The following SMAD2 variants were observed in gnomAD, a reference collection of about 807,000 sequenced individuals.
SMAD2 encodes SMAD family member 2, also known as MAD homolog 2.
A neutral mutation model predicts 64.4 loss-of-function variants in SMAD2; 8 were observed. The ratio of observed to expected loss-of-function variants is 0.12; its 90% confidence interval spans 0.07 to 0.22. The LOEUF (loss-of-function observed/expected upper bound fraction) is 0.22. Ranked by LOEUF, SMAD2 falls within the 10% of genes least tolerant of loss-of-function variation. The probability of loss-of-function intolerance (pLI) is 1.00; values close to 1 mark genes in which losing one functional copy is unlikely to be tolerated. For missense variants in SMAD2, 289 were observed against 561.2 expected (o/e 0.51, Z 4.90); for synonymous variants, 203 against 195.8 (o/e 1.04, Z -0.31).
chr18:47,894,363 A>C (rs930156067), intron 2 of SMAD2, among the ~76,000 whole-genome samples: 2 of 152,074 alleles, frequency 1.3e-5, no homozygotes, highest in African/African-American at 4.8e-5. Flanking sequence ...GAGCCTTCAG[A>C]CCCTACGGCA....
chr18:47,900,687 C>T (rs923279071), intron 1 of SMAD2, among the ~76,000 whole-genome samples: 3 of 151,766 alleles, frequency 2.0e-5, no homozygotes, highest in South Asian at 2.1e-4. Context: ...CCTTTTCTAC[C>T]TCCTTAAAAA....
intron 1 of SMAD2, among the ~76,000 whole-genome samples, chr18:47,928,231 T>C (rs551286736): frequency 1.2e-4 from 18 of 152,312 alleles, no homozygotes; most frequent in African/African-American, 3.8e-4. Context: ...AACGAGGTTT[T>C]TGGAGCCCTA....
intron 2 of SMAD2, 25 bp downstream of exon 2, chr18:47,896,496 A>C (rs2033444790): frequency 6.2e-7 from 1 of 1,612,792 alleles, no homozygotes; most frequent in Non-Finnish European, 8.5e-7. Flanking sequence ...TAATTTGATC[A>C]AACCTGGGAT....
chr18:47,832,297 G>A lies in SMAD2; in HGVS notation c.*9530C>T, dbSNP rs539427035. 168 of 152,322 alleles carry A rather than the reference G, an allele frequency of 1.1e-3. No individual in the cohort carries two copies. Among genetic ancestry groups the A allele is most frequent in the African/African-American group, 3.9e-3 (164 of 41,584 alleles). The allele number at this position is 152,322 out of a possible 1,614,324, so 9.4% of individuals were successfully genotyped here. ...GGCAAAGCCAGGCTGAGGTGACAAT[G>A]TAGAAGGATCTCGAGTCAGCCCTCA... On this transcript the variant is annotated 3_prime_UTR_variant, in exon 11 of 11. Coordinates refer to ENST00000262160, the MANE Select transcript of SMAD2 (RefSeq NM_005901.6).
In SMAD2 at chr18:47,896,776, A is replaced by G. The variant is rs1199546610; in HGVS notation, c.-20T>C. 1 of 1,611,094 alleles carries G rather than the reference A, an allele frequency of 6.2e-7. No individual in the cohort carries two copies. ...CGACATGTTCTTACCAAAGGCAGCA[A>G]GCCACGCTAGGAAAACAGCCTCTTG... On this transcript the variant is annotated 5_prime_UTR_variant, in exon 2 of 11. Transcript: ENST00000262160.
Position 47,819,455 on chromosome 18 carries a change from G to T in SMAD2, c.*22372C>A, listed in dbSNP as rs2144233300. On this transcript the variant is annotated 3_prime_UTR_variant, in exon 11 of 11. Coordinates refer to ENST00000262160, the MANE Select transcript of SMAD2 (RefSeq NM_005901.6). ...AAAATGGTTAACAGGAAAATAACTT[G>T]AAATGACTAGCTATGTCTAATATCT... 1 of 152,308 alleles carries T rather than the reference G, an allele frequency of 6.6e-6. No homozygotes were observed. Among genetic ancestry groups the T allele is most frequent in the African/African-American group, 2.4e-5 (1 of 41,568 alleles). The allele number at this position is 152,308 out of a possible 1,614,324, so 9.4% of individuals were successfully genotyped here.
intron 1 of SMAD2, among the ~76,000 whole-genome samples, chr18:47,913,609 A>G (rs2144521682): frequency 6.6e-6 from 1 of 152,368 alleles, no homozygotes; most frequent in East Asian, 1.9e-4. Context: ...TTTATTTTAA[A>G]AACTGAAGCA....
rs2144276411 is a variant in SMAD2, at chr18:47,841,874, A to G, written c.1357T>C (p.Leu453=). The part of the protein sequence containing the change: ...NGPLQWLDKV[L]TQMGSPSVRC... ...ACTGAAGGGGATCCCATCTGAGTTA[A>G]TACTTTGTCCAACCACTGTAGAGGT... Residue 453 remains leucine, a synonymous_variant, in exon 11 of 11, where the codon TTA becomes CTA. Coordinates refer to ENST00000262160, the MANE Select transcript of SMAD2 (RefSeq NM_005901.6). 1 of 1,614,166 alleles carries G rather than the reference A, an allele frequency of 6.2e-7. No homozygotes were observed. The highest frequency in any genetic ancestry group is 8.5e-7 in the Non-Finnish European group (1 of 1,180,016).
chr18:47,901,660 C>T (rs905208492), intron 1 of SMAD2, among the ~76,000 whole-genome samples: 1 of 152,150 alleles, frequency 6.6e-6, no homozygotes, highest in Non-Finnish European at 1.5e-5. Context: ...ACTTTTACTA[C>T]TTCCTCTATA....
In SMAD2 at chr18:47,868,469, C is replaced by G. The variant is rs2031725281; in HGVS notation, c.521-12G>C. ...TACTGGAGGCAAAACTGAAAAAGTT[C>G]AAGAAATCCAAGTTAATGGCAAAGA... On this transcript the variant is annotated splice_polypyrimidine_tract_variant and intron_variant, in intron 4 of 10. Coordinates refer to ENST00000262160, the MANE Select transcript of SMAD2 (RefSeq NM_005901.6). 2 of 1,609,266 alleles carry G rather than the reference C, an allele frequency of 1.2e-6. No homozygotes were observed. The highest frequency in any genetic ancestry group is 1.7e-5 in the Admixed American group (1 of 59,884).
Position 47,928,852 on chromosome 18 carries a change from A to G in SMAD2, c.-54+1509T>C, listed in dbSNP as rs968140112. 2.6e-5 allele frequency among the ~76,000 whole-genome samples: 4 copies of G among 152,358 alleles called. No individual in the cohort carries two copies. The East Asian group carries it at 7.7e-4, about 29-fold the overall frequency. ...TTACATTAATTAAACCTGGCCAGTG[A>G]ACAGCCTTGAACTCAATTAAATCCA... On this transcript the variant is annotated intron_variant, in intron 1 of 10. Transcript: ENST00000262160.
chr18:47,840,912 T>G lies in SMAD2; in HGVS notation c.*915A>C, dbSNP rs1913880667. 8.6e-6 allele frequency: 2 copies of G among 232,494 alleles called. No homozygotes were observed. The highest frequency in any genetic ancestry group is 4.4e-5 in the African/African-American group (2 of 45,406). 14.4% of individuals were successfully genotyped at this position (232,494 alleles called of 1,614,324 possible). Reference sequence around the variant, plus strand: ...GTGGAAGGATAAATCAACAGACTGCTAGATTATACAAGCCAATTATTCCTG... The same window carrying G: ...GTGGAAGGATAAATCAACAGACTGCGAGATTATACAAGCCAATTATTCCTG... On this transcript the variant is annotated 3_prime_UTR_variant, in exon 11 of 11. Coordinates refer to ENST00000262160, the MANE Select transcript of SMAD2 (RefSeq NM_005901.6).
chr18:47,881,839 C>T (rs1169527864), intron 2 of SMAD2, among the ~76,000 whole-genome samples: 1 of 152,012 alleles, frequency 6.6e-6, no homozygotes, highest in East Asian at 1.9e-4. Flanking sequence ...CTTATAGTTT[C>T]CCTCCTTGGT....
At position 47,837,692 on chromosome 18, in the gene SMAD2, A is replaced by G. The variant is rs1245291884; in HGVS notation, c.*4135T>C. ...GCAATGAATATAATAGATTTAGCAA[A>G]GTAAAGCATATGAAAGGAAGAAATG... is the stretch of plus-strand genomic sequence containing the variant. On this transcript the variant is annotated 3_prime_UTR_variant, in exon 11 of 11. Coordinates refer to ENST00000262160, the MANE Select transcript of SMAD2 (RefSeq NM_005901.6). 6 of 233,128 alleles carry G rather than the reference A, an allele frequency of 2.6e-5. No individual in the cohort carries two copies. Among genetic ancestry groups the G allele is most frequent in the Non-Finnish European group, 1.7e-5 (2 of 117,962 alleles). 14.4% of individuals were successfully genotyped at this position (233,128 alleles called of 1,614,324 possible). A position where few individuals can be genotyped will look rare whatever the true frequency, so the allele number is the denominator to read the frequency against.
rs976160900 is a variant in SMAD2, at chr18:47,831,191, A to G, written c.*10636T>C. 6.6e-6 allele frequency: 1 copy of G among 152,208 alleles called. No individual in the cohort carries two copies. The highest frequency in any genetic ancestry group is 1.5e-5 in the Non-Finnish European group (1 of 68,030). 9.4% of individuals were successfully genotyped at this position (152,208 alleles called of 1,614,324 possible). A position where few individuals can be genotyped will look rare whatever the true frequency, so the allele number is the denominator to read the frequency against. ...ATATGTGGGCTTCATAGCAGAACCTACCAGGCTTGTGGTTATCAATTTTCT... is the reference window on the plus strand; with the variant it reads ...ATATGTGGGCTTCATAGCAGAACCTGCCAGGCTTGTGGTTATCAATTTTCT... On this transcript the variant is annotated 3_prime_UTR_variant, in exon 11 of 11. Transcript: ENST00000262160.
At chr18:47,895,109 T>C (rs1182628289) in intron 2 of SMAD2, among the ~76,000 whole-genome samples, 1 of 152,222 alleles carries the variant, frequency 6.6e-6, no homozygotes, top group South Asian at 2.1e-4. Flanking sequence ...TAAGATCCTC[T>C]TTAAAATCCA....
At chr18:47,877,408 T>C (rs2032327872) in intron 2 of SMAD2, among the ~76,000 whole-genome samples, 1 of 152,154 alleles carries the variant, frequency 6.6e-6, no homozygotes, top group Admixed American at 6.5e-5. Flanking sequence ...TTTTTATATG[T>C]GACTTAAGAC....
Position 47,837,740 on chromosome 18 carries a change from G to A in SMAD2, c.*4087C>T, listed in dbSNP as rs779700646. On this transcript the variant is annotated 3_prime_UTR_variant, in exon 11 of 11. Transcript: ENST00000262160. ...ATGTTTGATATGTCTAAGTATCAAT[G>A]CCTTCGATCAGAGTAAGAAAAAAGT... 32 of 232,886 alleles carry A rather than the reference G, an allele frequency of 1.4e-4. No homozygotes were observed. Among genetic ancestry groups the A allele is most frequent in the South Asian group, 9.1e-4 (5 of 5,520 alleles). 14.4% of individuals were successfully genotyped at this position (232,886 alleles called of 1,614,324 possible).
rs1187768770 is a variant in SMAD2, at chr18:47,834,543, G to A, written c.*7284C>T. 2 of 206,148 alleles carry A rather than the reference G, an allele frequency of 9.7e-6. No individual in the cohort carries two copies. Among genetic ancestry groups the A allele is most frequent in the Non-Finnish European group, 2.0e-5 (2 of 100,850 alleles). The allele number at this position is 206,148 out of a possible 1,614,324, so 12.8% of individuals were successfully genotyped here. On this transcript the variant is annotated 3_prime_UTR_variant, in exon 11 of 11. Transcript: ENST00000262160. ...CTAGAGAAAAGGTAAGAACTTTCAA[G>A]GGCATAACCTTTAAGGGCATCAGTC...
Sources: allele counts gnomAD v4.1 joint callset (sites outside exome capture counted in the v4.1 genomes callset), GRCh38; gene constraint gnomAD v4.1.1; transcripts MANE v1.5; gene names NCBI Gene and HGNC (gene_info 2026-07-23, HGNC 2026-07-21).